Variants in ZNF892 observed in about 807,000 individuals in gnomAD.
The protein encoded by ZNF892 is zinc finger protein 570-like.
the ZNF892 span, among the ~76,000 whole-genome samples, chr2:95,255,908 C>CT: frequency 6.6e-6 from 1 of 152,002 alleles, no homozygotes; most frequent in African/African-American, 2.4e-5. Flanking sequence ...CAACCCCTGC[C>CT]TTTTTTTGTT....
chr2:95,220,289 T>A, the ZNF892 span, among the ~76,000 whole-genome samples: 1 of 152,186 alleles, frequency 6.6e-6, no homozygotes, highest in African/African-American at 2.4e-5. Context: ...ACATTTTCTG[T>A]CTTGCTAGGC....
chr2:95,233,877 A>C, the ZNF892 span, among the ~76,000 whole-genome samples: 1 of 151,808 alleles, frequency 6.6e-6, no homozygotes, highest in Admixed American at 6.6e-5. Flanking sequence ...ATGGTGTTTC[A>C]CCATGTTGGG....
chr2:95,219,189 G>A, the ZNF892 span, among the ~76,000 whole-genome samples: 5 of 149,922 alleles, frequency 3.3e-5, no homozygotes, highest in Admixed American at 6.6e-5. Context: ...TGTATTTTTA[G>A]TAGAGACGTG....
chr2:95,252,122 A>T, the ZNF892 span, among the ~76,000 whole-genome samples: 1 of 152,150 alleles, frequency 6.6e-6, no homozygotes, highest in African/African-American at 2.4e-5. Flanking sequence ...TTTAGGGTAC[A>T]TGTGCACAAT....
chr2:95,257,726 C>T, the ZNF892 span, among the ~76,000 whole-genome samples: 1 of 152,226 alleles, frequency 6.6e-6, no homozygotes, highest in Non-Finnish European at 1.5e-5. Flanking sequence ...CTAGTTCGAG[C>T]TTCCCTGCTG....
At chr2:95,247,714 C>A in the ZNF892 span, among the ~76,000 whole-genome samples, 11 of 152,088 alleles carry the variant, frequency 7.2e-5, no homozygotes, top group Admixed American at 7.2e-4. Context: ...AAAAGACATA[C>A]AAGTGGCCAA....
chr2:95,215,200 A>T, the ZNF892 span: 1 of 455,510 alleles, frequency 2.2e-6, no homozygotes, highest in Non-Finnish European at 3.9e-6. Flanking sequence ...GAGCGGCCAT[A>T]TGAGTGTAAC....
chr2:95,253,014 A>C, the ZNF892 span, among the ~76,000 whole-genome samples: 890 of 152,156 alleles, frequency 5.8e-3, 1 homozygote, highest in Non-Finnish European at 8.9e-3. Context: ...AGATTGCAAA[A>C]ATTTTCTCCC....
the ZNF892 span, among the ~76,000 whole-genome samples, chr2:95,258,200 A>G: frequency 9.2e-5 from 14 of 152,146 alleles, no homozygotes; most frequent in Admixed American, 6.5e-4. Flanking sequence ...CTATTTGGCC[A>G]TCTTGGCTCC....
At chr2:95,208,241 C>T in the ZNF892 span, among the ~76,000 whole-genome samples, 12 of 152,118 alleles carry the variant, frequency 7.9e-5, no homozygotes, top group Non-Finnish European at 1.0e-4. Context: ...AGACGCATCA[C>T]TTTTCTGAGT....
the ZNF892 span, among the ~76,000 whole-genome samples, chr2:95,233,719 ACTG>A: frequency 2.0e-5 from 3 of 148,856 alleles, no homozygotes; most frequent in Non-Finnish European, 4.4e-5. Context: ...TGTTGCCCAA[ACTG>A]CTGTCAAATT....
At chr2:95,253,642 G>A in the ZNF892 span, among the ~76,000 whole-genome samples, 1 of 152,138 alleles carries the variant, frequency 6.6e-6, no homozygotes, top group Non-Finnish European at 1.5e-5. Flanking sequence ...TAGCTTGATG[G>A]GGATGGCATT....
the ZNF892 span, among the ~76,000 whole-genome samples, chr2:95,227,303 G>GT: frequency 6.6e-6 from 1 of 151,940 alleles, no homozygotes; most frequent in Non-Finnish European, 1.5e-5. Flanking sequence ...ACAAGAATAT[G>GT]TATCAGCATG....
At chr2:95,211,022 G>T in the ZNF892 span, among the ~76,000 whole-genome samples, 4 of 152,066 alleles carry the variant, frequency 2.6e-5, no homozygotes, top group Non-Finnish European at 5.9e-5. Flanking sequence ...CCACCAACTG[G>T]GGGACGCGGG....
the ZNF892 span, among the ~76,000 whole-genome samples, chr2:95,240,118 GA>G: frequency 2.8e-3 from 403 of 141,512 alleles, 1 homozygote; most frequent in East Asian, 4.9e-3. Flanking sequence ...GTTCAAGGTT[GA>G]AAAAAAAAAA....
the ZNF892 span, among the ~76,000 whole-genome samples, chr2:95,260,490 A>G: frequency 6.1e-4 from 93 of 152,210 alleles, no homozygotes; most frequent in African/African-American, 2.0e-3. Context: ...CAAAGGCCCA[A>G]TCTTCATTTG....
At chr2:95,251,065 CTTA>C in the ZNF892 span, among the ~76,000 whole-genome samples, 1 of 150,578 alleles carries the variant, frequency 6.6e-6, no homozygotes, top group Non-Finnish European at 1.5e-5. Context: ...TTAATAAATG[CTTA>C]TTATTCTTTA....
the ZNF892 span, chr2:95,208,697 A>C: frequency 2.5e-6 from 1 of 398,550 alleles, no homozygotes; most frequent in Non-Finnish European, 4.4e-6. Flanking sequence ...ACCCAAAAGA[A>C]AATGACGTGA....
At chr2:95,245,461 G>GC in the ZNF892 span, among the ~76,000 whole-genome samples, 6 of 11,588 alleles carry the variant, frequency 5.2e-4, 1 homozygote, top group South Asian at 4.2e-3. Flanking sequence ...GGGGGGGGGG[G>GC]GGTTTCACCA....
Sources: gnomAD v4.1 joint callset for allele counts (sites outside exome capture counted in the v4.1 genomes callset) on GRCh38, gnomAD v4.1.1 for gene constraint, MANE v1.5 for transcripts, NCBI Gene and HGNC (gene_info 2026-07-23, HGNC 2026-07-21) for gene names.